The following BCL2L2 variants were observed in gnomAD, a reference collection of about 807,000 sequenced individuals.
BCL2L2 encodes the protein bcl-2-like protein 2.
Under a neutral mutation model 14.6 loss-of-function variants are expected in BCL2L2, and 6 were observed. The ratio of observed to expected loss-of-function variants is 0.41; its 90% CI spans 0.22 to 0.81. BCL2L2 has a LOEUF of 0.81. BCL2L2 is among the 30% of genes least tolerant of loss of function. The probability of loss-of-function intolerance (pLI) is 0.32; values close to 1 mark genes in which losing one functional copy is unlikely to be tolerated. For missense variants in BCL2L2, 191 were observed against 260.5 expected, an observed-to-expected ratio of 0.73 and a Z score of 1.84; for synonymous variants, 90 against 108.5, an observed-to-expected ratio of 0.83 and a Z score of 1.06.
intron 2 of BCL2L2, among the ~76,000 whole-genome samples, 194 bp downstream of exon 2, chr14:23,307,473 G>T (rs1039531319): frequency 6.6e-6 from 1 of 152,202 alleles, no homozygotes; most frequent in Admixed American, 6.5e-5. Flanking sequence ...TGTTGTAGGG[G>T]TGTCATTGAG....
In BCL2L2 at chr14:23,311,119, AAG is replaced by A. The variant is rs1170864624; in HGVS notation, c.*2159_*2160del. The A allele has an allele frequency of 5.4e-6, 7 of 1,288,662 alleles. No homozygotes were observed. The highest frequency in any genetic ancestry group is 6.1e-6 in the Non-Finnish European group (6 of 988,644). 79.8% of individuals were successfully genotyped at this position (1,288,662 alleles called of 1,614,324 possible). ...TCTGAAGCCTTGACACCTGGGTGGA[AAG>A]AGAGGCTGTTTTCTGAAAGGGTAAA... On this transcript the variant is annotated 3_prime_UTR_variant, in exon 4 of 4. Coordinates refer to ENST00000250405, the MANE Select transcript of BCL2L2 (RefSeq NM_004050.5).
Position 23,309,891 on chromosome 14 carries a change from C to CA in BCL2L2, c.*929dup, listed in dbSNP as rs2138429540. ...TTCCAATCTCTGGGACCTCTGTACC[C>CA]AAACTGAAACTCTAAATTGGGGCCC... On this transcript the variant is annotated 3_prime_UTR_variant, in exon 4 of 4. Transcript: ENST00000250405. 1 of 985,458 alleles carries CA rather than the reference C, an allele frequency of 1.0e-6. No individual in the cohort carries two copies. The highest frequency in any genetic ancestry group is 4.7e-5 in the South Asian group (1 of 21,294). The allele number at this position is 985,458 out of a possible 1,614,324, so 61.0% of individuals were successfully genotyped here. A position where few individuals can be genotyped will look rare whatever the true frequency, so the allele number is the denominator to read the frequency against.
rs1887440553 is a variant in BCL2L2 at position 23,309,024 on chromosome 14, A to T, written c.*59A>T. ...GGGGCCAGGAGAGCAGGAACAGAACAGAGAAATGCCCTTGGAAGAAGTGGA... is the reference window on the plus strand; with the variant it reads ...GGGGCCAGGAGAGCAGGAACAGAACTGAGAAATGCCCTTGGAAGAAGTGGA... On this transcript the variant is annotated 3_prime_UTR_variant, in exon 4 of 4. Coordinates refer to ENST00000250405, the MANE Select transcript of BCL2L2 (RefSeq NM_004050.5). 1.2e-5 allele frequency: 16 copies of T among 1,315,776 alleles called. No homozygotes were observed. In the South Asian group the frequency reaches 3.0e-4, roughly 25 times the overall value. The allele number at this position is 1,315,776 out of a possible 1,614,324, so 81.5% of individuals were successfully genotyped here. A position where few individuals can be genotyped will look rare whatever the true frequency, so the allele number is the denominator to read the frequency against.
Position 23,311,003 on chromosome 14 carries a change from A to T in BCL2L2, c.*2038A>T. On this transcript the variant is annotated 3_prime_UTR_variant, in exon 4 of 4. Coordinates refer to ENST00000250405, the MANE Select transcript of BCL2L2 (RefSeq NM_004050.5). ...GAGCACACTCTTCACCCTACCCTCT[A>T]CCACAGGACACATATCCCTGTTAGC... 7.8e-7 allele frequency: 1 copy of T among 1,289,590 alleles called. No homozygotes were observed. 79.9% of individuals were successfully genotyped at this position (1,289,590 alleles called of 1,614,324 possible).
chr14:23,307,645 A>G, intron 2 of BCL2L2, 115 bp from the exon 3 acceptor site: 1 of 1,370,654 alleles, frequency 7.3e-7, no homozygotes, highest in Non-Finnish European at 9.7e-7. Flanking sequence ...CTGTCCAGTG[A>G]GTCCTGAGCA....
chr14:23,308,908 G>A lies in BCL2L2; in HGVS notation c.525G>A (p.Thr175=), dbSNP rs766873136. The change falls in exon 4 of 4, where the codon ACG becomes ACA. Residue 175 remains threonine (T), a synonymous_variant. Coordinates refer to ENST00000250405, the MANE Select transcript of BCL2L2 (RefSeq NM_004050.5). This position sits in a 1 kb window ranked among gnomAD's most constrained non-coding sequence, Gnocchi z 5.4. Reference sequence around the variant, plus strand: ...GGGCATCAGTGAGGACAGTGCTGACGGGGGCCGTGGCACTGGGGGCCCTGG... The same window carrying A: ...GGGCATCAGTGAGGACAGTGCTGACAGGGGCCGTGGCACTGGGGGCCCTGG... ...GNWASVRTVL[T]GAVALGALVT... is the part of the protein sequence containing the mutation. 56 of 1,322,294 alleles carry A rather than the reference G, an allele frequency of 4.2e-5. No individual in the cohort carries two copies. The highest frequency in any genetic ancestry group is 1.4e-4 in the East Asian group (5 of 35,784). 81.9% of individuals were successfully genotyped at this position (1,322,294 alleles called of 1,614,324 possible). A position where few individuals can be genotyped will look rare whatever the true frequency, so the allele number is the denominator to read the frequency against.
chr14:23,308,974 G>A lies in BCL2L2; in HGVS notation c.*9G>A. 7.6e-7 allele frequency: 1 copy of A among 1,324,090 alleles called. No homozygotes were observed. The highest frequency in any genetic ancestry group is 9.7e-7 in the Non-Finnish European group (1 of 1,028,428). The allele number at this position is 1,324,090 out of a possible 1,614,324, so 82.0% of individuals were successfully genotyped here. A position where few individuals can be genotyped will look rare whatever the true frequency, so the allele number is the denominator to read the frequency against. On this transcript the variant is annotated 3_prime_UTR_variant, in exon 4 of 4. Transcript: ENST00000250405. This position sits in a 1 kb window ranked among gnomAD's most constrained non-coding sequence, Gnocchi z 5.4. The stretch of plus-strand genomic sequence containing the variant: ...TTTTTGCTAGCAAGTGAAAGTCCAG[G>A]GCCAGGTGGGGCTAGGTGTGGCTGG...
chr14:23,309,972 G>C lies in BCL2L2; in HGVS notation c.*1007G>C. On this transcript the variant is annotated 3_prime_UTR_variant, in exon 4 of 4. Transcript: ENST00000250405. Reference sequence around the variant, plus strand: ...TAAGTGCTGATCTAGAATACAGTCTGGGTCCCACACTGTGTCTCAGTGAGA... The same window carrying C: ...TAAGTGCTGATCTAGAATACAGTCTCGGTCCCACACTGTGTCTCAGTGAGA... The C allele has an allele frequency of 4.1e-6, 4 of 985,448 alleles. No homozygotes were observed. Among genetic ancestry groups the C allele is most frequent in the Non-Finnish European group, 4.8e-6 (4 of 829,954 alleles). The allele number at this position is 985,448 out of a possible 1,614,324, so 61.0% of individuals were successfully genotyped here. A position where few individuals can be genotyped will look rare whatever the true frequency, so the allele number is the denominator to read the frequency against.
rs1309858962 is a variant in BCL2L2 at position 23,309,289 on chromosome 14, G to A, written c.*324G>A. On this transcript the variant is annotated 3_prime_UTR_variant, in exon 4 of 4. Coordinates refer to ENST00000250405, the MANE Select transcript of BCL2L2 (RefSeq NM_004050.5). ...GAACTTGCTTCACAGCCCTGAGGAA[G>A]GTGGACTTACATAAGCAGCTGTATT... 12 of 1,127,430 alleles carry A rather than the reference G, an allele frequency of 1.1e-5. No individual in the cohort carries two copies. Among genetic ancestry groups the A allele is most frequent in the Non-Finnish European group, 1.3e-5 (12 of 921,372 alleles). 69.8% of individuals were successfully genotyped at this position (1,127,430 alleles called of 1,614,324 possible).
In BCL2L2 at chr14:23,310,639, C is replaced by A. The variant is rs891539470; in HGVS notation, c.*1674C>A. 1.2e-5 allele frequency: 13 copies of A among 1,130,032 alleles called. No homozygotes were observed. Among genetic ancestry groups the A allele is most frequent in the Middle Eastern group, 8.2e-4 (2 of 2,430 alleles). 70.0% of individuals were successfully genotyped at this position (1,130,032 alleles called of 1,614,324 possible). On this transcript the variant is annotated 3_prime_UTR_variant, in exon 4 of 4. Transcript: ENST00000250405. The stretch of plus-strand genomic sequence containing the variant: ...TGGTCTTGTTGTGAGTATGCTGACA[C>A]CAGAAACTCAGAGCCAGCTTGTGGC...
At position 23,308,207 on chromosome 14, in the gene BCL2L2, G is replaced by A; in HGVS notation, c.432+8G>A. 1 of 1,601,612 alleles carries A rather than the reference G, an allele frequency of 6.2e-7. No individual in the cohort carries two copies. The highest frequency in any genetic ancestry group is 2.2e-5 in the East Asian group (1 of 44,710). ...CACAGCAGTGGGGGCTGGGTAAGAA[G>A]CTTCTCAATTGCCGCTCTGCACATC... On this transcript the variant is annotated splice_region_variant and intron_variant, in intron 3 of 3. Transcript: ENST00000250405. The surrounding 1 kb of genome is among the most constrained non-coding windows in gnomAD (Gnocchi z 5.4).
rs1290705352 is a variant in BCL2L2, at chr14:23,308,489, C to A, written c.432+290C>A. 3.9e-5 allele frequency among the ~76,000 whole-genome samples: 6 copies of A among 151,948 alleles called. No individual in the cohort carries two copies. The highest frequency in any genetic ancestry group is 5.9e-5 in the Non-Finnish European group (4 of 67,964). On this transcript the variant is annotated intron_variant, in intron 3 of 3. Transcript: ENST00000250405. The surrounding 1 kb of genome is among the most constrained non-coding windows in gnomAD (Gnocchi z 5.4). ...GGGACTTTTTACATCTGAGTCATGG[C>A]GTGGGAGGTGGGGAGGACCAGGGAT...
Position 23,308,328 on chromosome 14 carries a change from T to G in BCL2L2, c.432+129T>G, listed in dbSNP as rs780839035. 187 of 1,321,276 alleles carry G rather than the reference T, an allele frequency of 1.4e-4. No individual in the cohort carries two copies. Among genetic ancestry groups the G allele is most frequent in the Non-Finnish European group, 1.8e-4 (180 of 995,978 alleles). 81.8% of individuals were successfully genotyped at this position (1,321,276 alleles called of 1,614,324 possible). On this transcript the variant is annotated intron_variant, in intron 3 of 3. Transcript: ENST00000250405. This position sits in a 1 kb window ranked among gnomAD's most constrained non-coding sequence, Gnocchi z 5.4. ...TGAGGTACGGGGCTGAGTCTCCCCGTCTGGATGGAATTAGATTGAGAGATG... is the reference window on the plus strand; with the variant it reads ...TGAGGTACGGGGCTGAGTCTCCCCGGCTGGATGGAATTAGATTGAGAGATG...
At position 23,309,399 on chromosome 14, in the gene BCL2L2, G is replaced by C. The variant is rs762033941; in HGVS notation, c.*434G>C. 151 of 995,618 alleles carry C rather than the reference G, an allele frequency of 1.5e-4. No individual in the cohort carries two copies. Among genetic ancestry groups the C allele is most frequent in the Non-Finnish European group, 1.7e-4 (146 of 837,054 alleles). The allele number at this position is 995,618 out of a possible 1,614,324, so 61.7% of individuals were successfully genotyped here. On this transcript the variant is annotated 3_prime_UTR_variant, in exon 4 of 4. Coordinates refer to ENST00000250405, the MANE Select transcript of BCL2L2 (RefSeq NM_004050.5). The stretch of plus-strand genomic sequence containing the variant: ...AGGGGTTCTCAGGTGATAGGGAGAG[G>C]TGGCTGTTAACAGTGGGCTGCTTGG...
rs1054918364 is a variant in BCL2L2 at position 23,311,474 on chromosome 14, G to A, written c.*2509G>A. The A allele has an allele frequency of 9.8e-7, 1 of 1,017,616 alleles. No homozygotes were observed. Among genetic ancestry groups the A allele is most frequent in the Non-Finnish European group, 1.2e-6 (1 of 851,074 alleles). 63.0% of individuals were successfully genotyped at this position (1,017,616 alleles called of 1,614,324 possible). ...CAAATAGGGACTTTGTTTAGGCCAA[G>A]GAAGGAGCGGAAGTAGGGCAACTCG... On this transcript the variant is annotated 3_prime_UTR_variant, in exon 4 of 4. Transcript: ENST00000250405.
At position 23,310,164 on chromosome 14, in the gene BCL2L2, T is replaced by A; in HGVS notation, c.*1199T>A. On this transcript the variant is annotated 3_prime_UTR_variant, in exon 4 of 4. Coordinates refer to ENST00000250405, the MANE Select transcript of BCL2L2 (RefSeq NM_004050.5). ...ACCATGACCTAGAAGCATTTATGAT[T>A]TATTTGAAGCCACACTGTTTGCATG... 2 of 985,746 alleles carry A rather than the reference T, an allele frequency of 2.0e-6. No homozygotes were observed. Among genetic ancestry groups the A allele is most frequent in the Non-Finnish European group, 2.4e-6 (2 of 829,990 alleles). The allele number at this position is 985,746 out of a possible 1,614,324, so 61.1% of individuals were successfully genotyped here. A position where few individuals can be genotyped will look rare whatever the true frequency, so the allele number is the denominator to read the frequency against.
rs1887358737 is a variant in BCL2L2, at chr14:23,308,035, G to A, written c.268G>A (p.Gly90Ser). The change falls in exon 3 of 4, where the codon GGC (glycine) becomes AGC (serine). Residue 90 changes from glycine to serine, a missense_variant. Gly to Ser is a moderately conservative substitution (Grantham distance 56). Transcript: ENST00000250405. The surrounding 1 kb of genome is among the most constrained non-coding windows in gnomAD (Gnocchi z 5.4). ...GGTCTCCGATGAACTTTTTCAAGGG[G>A]GCCCCAACTGGGGCCGCCTTGTAGC... ...TQVSDELFQG[G>S]PNWGRLVAFF... The A allele has an allele frequency of 1.9e-6, 3 of 1,614,076 alleles. No homozygotes were observed. The highest frequency in any genetic ancestry group is 8.5e-7 in the Non-Finnish European group (1 of 1,180,036).
rs1193375944 is a variant in BCL2L2, at chr14:23,309,813, G to A, written c.*848G>A. ...TGGATGGGTGGAGGCTTAGGTAGCC[G>A]GACCTGCCTGCCACCCTCCTCTCCC... On this transcript the variant is annotated 3_prime_UTR_variant, in exon 4 of 4. Transcript: ENST00000250405. The A allele has an allele frequency of 4.1e-6, 4 of 985,326 alleles. No individual in the cohort carries two copies. The highest frequency in any genetic ancestry group is 4.7e-5 in the South Asian group (1 of 21,296). 61.0% of individuals were successfully genotyped at this position (985,326 alleles called of 1,614,324 possible). A position where few individuals can be genotyped will look rare whatever the true frequency, so the allele number is the denominator to read the frequency against.
In BCL2L2 at chr14:23,311,578, G is replaced by A. The variant is rs748605592; in HGVS notation, c.*2613G>A. ...TTTTACTTTTTTAAAATCATAAAAC[G>A]GCAGAACAGATTTGGTTAGTTTAGA... On this transcript the variant is annotated 3_prime_UTR_variant, in exon 4 of 4. Coordinates refer to ENST00000250405, the MANE Select transcript of BCL2L2 (RefSeq NM_004050.5). 6.5e-5 allele frequency: 64 copies of A among 984,902 alleles called. No homozygotes were observed. Among genetic ancestry groups the A allele is most frequent in the African/African-American group, 2.3e-4 (13 of 57,108 alleles). The allele number at this position is 984,902 out of a possible 1,614,324, so 61.0% of individuals were successfully genotyped here.
Sources: gnomAD v4.1 joint callset for allele counts (sites outside exome capture counted in the v4.1 genomes callset) on GRCh38, gnomAD v4.1.1 for gene constraint, Gnocchi (gnomAD v3.1) non-coding constraint, MANE v1.5 for transcripts, NCBI Gene and HGNC (gene_info 2026-07-23, HGNC 2026-07-21) for gene names.